Variants in DCDC1 observed in about 807,000 individuals in gnomAD.
The protein encoded by DCDC1 is doublecortin domain containing 1, also known as doublecortin domain-containing protein 1.
DCDC1 carries 200 observed loss-of-function variants against 178.3 expected under a neutral mutation model. The observed-to-expected ratio is 1.12, with a 90% CI of 1.00 to 1.26. The LOEUF (loss-of-function observed/expected upper bound fraction) is 1.26, where lower values mean the gene tolerates loss of function less well. DCDC1 is among the 50% of genes most tolerant of loss of function. The pLI is 0.00. For missense variants in DCDC1, 1,983 were observed against 1,749.2 expected (o/e 1.13, Z -2.38); for synonymous variants, 690 against 604.8 (o/e 1.14, Z -2.07).
At chr11:31,109,303 G>A (rs896723947) in intron 12 of DCDC1, among the ~76,000 whole-genome samples, 1 of 151,708 alleles carries the variant, frequency 6.6e-6, no homozygotes, top group African/African-American at 2.4e-5. Flanking sequence ...ATTTTTTGTA[G>A]AGACAGGATT....
rs1409688921 is a variant in DCDC1, at chr11:30,922,575, G to A, written c.3061C>T (p.Gln1021Ter). The A allele has an allele frequency of 6.3e-7, 1 of 1,587,612 alleles. No individual in the cohort carries two copies. Among genetic ancestry groups the A allele is most frequent in the African/African-American group, 1.4e-5 (1 of 72,962 alleles). ...PDLSIAQQKKQIFLRNLESDI... is the reference protein window; with the variant it reads ...PDLSIAQQKK Reference sequence around the variant, plus strand: ...GATTCTAGGTTCCTCAGGAATATTTGTTTCTTTTGCTGAGCAATGGACAGG... The same window carrying A: ...GATTCTAGGTTCCTCAGGAATATTTATTTCTTTTGCTGAGCAATGGACAGG... The change falls in exon 24 of 39, where the codon CAA (glutamine) becomes TAA (stop). Residue 1021 changes from glutamine to a stop codon, truncating the protein, a stop_gained. Coordinates refer to ENST00000684477, the MANE Select transcript of DCDC1 (RefSeq NM_001387274.1). LOFTEE classifies it high-confidence loss of function.
At chr11:31,015,957 T>C (rs372105111) in intron 20 of DCDC1, among the ~76,000 whole-genome samples, 29 of 152,256 alleles carry the variant, frequency 1.9e-4, no homozygotes, top group African/African-American at 6.5e-4. Context: ...AATGATACCA[T>C]AAAAAATACA....
At chr11:31,148,420 G>T (rs1372231093) in intron 9 of DCDC1, among the ~76,000 whole-genome samples, 1 of 151,618 alleles carries the variant, frequency 6.6e-6, no homozygotes, top group East Asian at 1.9e-4. Flanking sequence ...TGGGATAATC[G>T]CTTGAGCCTG....
chr11:30,995,513 T>A (rs545990853), intron 20 of DCDC1, among the ~76,000 whole-genome samples: 3 of 152,266 alleles, frequency 2.0e-5, no homozygotes, highest in Non-Finnish European at 2.9e-5. Flanking sequence ...GGTCTTGCTA[T>A]GGAGTTACAT....
At chr11:30,990,324 A>C (rs537994328) in intron 20 of DCDC1, among the ~76,000 whole-genome samples, 6 of 152,294 alleles carry the variant, frequency 3.9e-5, no homozygotes, top group South Asian at 2.1e-4. Flanking sequence ...CAGAATCATC[A>C]CTGTGGGGAC....
chr11:31,030,840 T>C (rs899182623), intron 20 of DCDC1, among the ~76,000 whole-genome samples: 4 of 143,332 alleles, frequency 2.8e-5, no homozygotes, highest in Non-Finnish European at 6.1e-5. Context: ...ACATAGAGAA[T>C]TGTATATTTC....
At chr11:31,013,227 A>G (rs1952279060) in intron 20 of DCDC1, among the ~76,000 whole-genome samples, 1 of 152,046 alleles carries the variant, frequency 6.6e-6, no homozygotes, top group African/African-American at 2.4e-5. Context: ...TCTTAATTTT[A>G]TTTTTAGTAT....
chr11:31,277,911 G>C (rs977766094), intron 7 of DCDC1, among the ~76,000 whole-genome samples: 6 of 151,850 alleles, frequency 4.0e-5, no homozygotes, highest in Non-Finnish European at 7.4e-5. Flanking sequence ...AAAGTTTTTT[G>C]ATTCAGACAA....
intron 20 of DCDC1, among the ~76,000 whole-genome samples, chr11:31,048,841 A>G (rs897664716): frequency 3.3e-5 from 5 of 152,166 alleles, no homozygotes; most frequent in Admixed American, 3.3e-4. Flanking sequence ...TGGGCGAAAG[A>G]GCAAGACTCC....
chr11:30,864,749 C>CA lies in DCDC1; in HGVS notation c.*623_*624insT, dbSNP rs1554949721. The CA allele has an allele frequency of 6.7e-6, 1 of 149,752 alleles. No homozygotes were observed. Among genetic ancestry groups the CA allele is most frequent in the African/African-American group, 2.5e-5 (1 of 40,802 alleles). The allele number at this position is 149,752 out of a possible 1,614,324, so 9.3% of individuals were successfully genotyped here. A position where few individuals can be genotyped will look rare whatever the true frequency, so the allele number is the denominator to read the frequency against. On this transcript the variant is annotated 3_prime_UTR_variant, in exon 39 of 39. Coordinates refer to ENST00000684477, the MANE Select transcript of DCDC1 (RefSeq NM_001387274.1). The stretch of plus-strand genomic sequence containing the variant: ...ACAAAACATGCAGTCAGTGTATATG[C>CA]TTTTTTTTTTCCAATAAGCCACACG...
At chr11:31,301,562 T>C (rs1474011573) in intron 6 of DCDC1, among the ~76,000 whole-genome samples, 3 of 152,210 alleles carry the variant, frequency 2.0e-5, no homozygotes, top group Non-Finnish European at 2.9e-5. Flanking sequence ...TGGAAGAGAA[T>C]ATAATGCATG....
chr11:31,169,849 T>C (rs1371426313), intron 9 of DCDC1, among the ~76,000 whole-genome samples: 5 of 152,180 alleles, frequency 3.3e-5, no homozygotes, highest in Non-Finnish European at 5.9e-5. Flanking sequence ...GGGAGAAGGA[T>C]GCAACCAACC....
intron 10 of DCDC1, among the ~76,000 whole-genome samples, chr11:31,128,923 A>C (rs986302016): frequency 6.6e-6 from 1 of 152,124 alleles, no homozygotes; most frequent in Non-Finnish European, 1.5e-5. Context: ...TCACATGAGG[A>C]AGTCAGAAAT....
chr11:31,146,075 T>A (rs1964417975), intron 9 of DCDC1, among the ~76,000 whole-genome samples: 1 of 141,024 alleles, frequency 7.1e-6, no homozygotes, highest in African/African-American at 2.6e-5. Context: ...AATCCAGTCT[T>A]TTTTTTTTTT....
At chr11:31,084,493 T>G (rs1268145300) in intron 17 of DCDC1, among the ~76,000 whole-genome samples, 3 of 152,178 alleles carry the variant, frequency 2.0e-5, no homozygotes, top group Non-Finnish European at 4.4e-5. Context: ...TCCTGCTTTC[T>G]AAAATGAAGT....
Position 30,873,117 on chromosome 11 carries a change from C to G in DCDC1, c.*40+5427G>C, listed in dbSNP as rs1419106645. ...TCTCTCTCTGTCTCTCTCTCTCTCT[C>G]TCTATCTTCTGCATATATATACACA... On this transcript the variant is annotated intron_variant, in intron 38 of 38. Transcript: ENST00000684477. 3.3e-5 allele frequency among the ~76,000 whole-genome samples: 5 copies of G among 150,776 alleles called. No individual in the cohort carries two copies. The South Asian group carries it at 8.3e-4, about 25-fold the overall frequency.
chr11:31,163,658 C>T (rs1361506711), intron 9 of DCDC1, among the ~76,000 whole-genome samples: 4 of 152,012 alleles, frequency 2.6e-5, no homozygotes, highest in South Asian at 2.1e-4. Context: ...GAAATCAAAG[C>T]TGCAAAAAGG....
At chr11:30,901,081 G>A (rs554367750) in intron 32 of DCDC1, among the ~76,000 whole-genome samples, 5 of 151,954 alleles carry the variant, frequency 3.3e-5, no homozygotes, top group Admixed American at 6.6e-5. Context: ...TCCTAATGGC[G>A]AAAGCAAAGA....
chr11:31,135,267 T>G (rs966962646), intron 10 of DCDC1, among the ~76,000 whole-genome samples: 16 of 152,176 alleles, frequency 1.1e-4, no homozygotes, highest in African/African-American at 3.4e-4. Flanking sequence ...ACCAAATTTT[T>G]CCTTTCTCTT....
Sources: gnomAD v4.1 joint callset for allele counts (sites outside exome capture counted in the v4.1 genomes callset) on GRCh38, gnomAD v4.1.1 for gene constraint, MANE v1.5 for transcripts, NCBI Gene and HGNC (gene_info 2026-07-23, HGNC 2026-07-21) for gene names.